The following CFAP184 variants were observed in gnomAD, a reference collection of about 807,000 sequenced individuals.
CFAP184 encodes cilia and flagella associated protein 184.
the CFAP184 span, chr4:7,042,635 C>G: frequency 1.2e-5 from 18 of 1,490,456 alleles, no homozygotes; most frequent in Non-Finnish European, 1.5e-5. Flanking sequence ...GCCCCAACCT[C>G]GGCCGGCTCT....
chr4:7,041,372 G>A, the CFAP184 span: 271 of 1,614,242 alleles, frequency 1.7e-4, no homozygotes, highest in African/African-American at 3.1e-3. Context: ...TCCAGGCGCC[G>A]GTGAAGCAGT....
chr4:7,041,620 A>T, the CFAP184 span: 1 of 1,614,166 alleles, frequency 6.2e-7, no homozygotes. Context: ...TATTACTTGC[A>T]CACTGTTGGT....
chr4:7,042,361 T>C, the CFAP184 span: 1 of 1,610,226 alleles, frequency 6.2e-7, no homozygotes, highest in Non-Finnish European at 8.5e-7. Flanking sequence ...TTCCTGGCTT[T>C]TGGCCGGGCG....
chr4:7,042,103 T>G, the CFAP184 span: 1 of 1,608,550 alleles, frequency 6.2e-7, no homozygotes, highest in Admixed American at 1.7e-5. Context: ...TTGCTCTTTC[T>G]CGGGGGCCTC....
At chr4:7,041,972 C>T in the CFAP184 span, 5 of 1,612,446 alleles carry the variant, frequency 3.1e-6, no homozygotes, top group Non-Finnish European at 4.2e-6. Context: ...TCCTTCTCCA[C>T]CCTGGTGAGC....
the CFAP184 span, chr4:7,042,923 C>G: frequency 1.3e-6 from 2 of 1,502,676 alleles, no homozygotes; most frequent in South Asian, 1.3e-5. Flanking sequence ...TTAGTGTGCT[C>G]AGAGCTGACG....
At chr4:7,042,841 C>A in the CFAP184 span, 1 of 1,574,976 alleles carries the variant, frequency 6.3e-7, no homozygotes, top group Non-Finnish European at 8.6e-7. Context: ...GGTCGGAGGG[C>A]CAGAGCTGGC....
chr4:7,042,118 T>A, the CFAP184 span: 1 of 1,607,358 alleles, frequency 6.2e-7, no homozygotes. Context: ...GGCCTCGGCC[T>A]CTGCGCCCCG....
At chr4:7,042,986 G>T in the CFAP184 span, 1 of 1,381,492 alleles carries the variant, frequency 7.2e-7, no homozygotes, top group Non-Finnish European at 9.4e-7. Context: ...GACGCTGTTA[G>T]GTTTCCCGGG....
At chr4:7,041,772 A>C in the CFAP184 span, 18 of 1,612,796 alleles carry the variant, frequency 1.1e-5, no homozygotes, top group East Asian at 3.3e-4. Flanking sequence ...TCCTGGTTTC[A>C]AAATGCACCA....
At chr4:7,041,396 C>A in the CFAP184 span, 6 of 1,614,118 alleles carry the variant, frequency 3.7e-6, no homozygotes, top group African/African-American at 6.7e-5. Flanking sequence ...GTCTTGTCCA[C>A]CTTTTCTTCC....
the CFAP184 span, chr4:7,040,929 C>G: frequency 1.9e-5 from 4 of 205,212 alleles, no homozygotes; most frequent in African/African-American, 7.1e-5. Context: ...AACTTTTAAA[C>G]CCTCCTACAT....
chr4:7,042,105 G>A, the CFAP184 span: 2 of 1,608,194 alleles, frequency 1.2e-6, no homozygotes, highest in African/African-American at 1.3e-5. Context: ...GCTCTTTCTC[G>A]GGGGCCTCGG....
the CFAP184 span, chr4:7,041,863 T>C: frequency 1.2e-6 from 2 of 1,610,160 alleles, no homozygotes; most frequent in Non-Finnish European, 1.7e-6. Flanking sequence ...CTGGATCTGC[T>C]CCACCTCTCG....
the CFAP184 span, chr4:7,041,341 G>A: frequency 6.2e-7 from 1 of 1,614,202 alleles, no homozygotes; most frequent in Non-Finnish European, 8.5e-7. Flanking sequence ...AGTGAGGCTA[G>A]CGTGGTGGCG....
chr4:7,042,185 T>C, the CFAP184 span: 2 of 1,600,436 alleles, frequency 1.2e-6, no homozygotes, highest in Non-Finnish European at 1.7e-6. Flanking sequence ...TCGAAGATCT[T>C]GTGCTGCAGG....
chr4:7,042,787 T>C, the CFAP184 span: 1 of 1,550,416 alleles, frequency 6.4e-7, no homozygotes, highest in Non-Finnish European at 8.7e-7. Flanking sequence ...TTGCTCCTCC[T>C]CCTCCTCCTC....
the CFAP184 span, chr4:7,042,462 C>T: frequency 2.8e-4 from 444 of 1,611,068 alleles, 7 homozygotes; most frequent in South Asian, 4.6e-3. Flanking sequence ...CTGTCTCGGC[C>T]TCCGGGGCTG....
chr4:7,042,851 C>T, the CFAP184 span: 13 of 1,577,282 alleles, frequency 8.2e-6, no homozygotes, highest in South Asian at 1.3e-4. Flanking sequence ...CCAGAGCTGG[C>T]CTTGATCTTG....
Sources: gnomAD v4.1 joint callset for allele counts on GRCh38, gnomAD v4.1.1 for gene constraint, MANE v1.5 for transcripts, NCBI Gene and HGNC (gene_info 2026-07-23, HGNC 2026-07-21) for gene names.